Variants in C4orf36 observed in about 807,000 individuals in gnomAD.
C4orf36 encodes chromosome 4 open reading frame 36, also known as uncharacterized protein C4orf36.
C4orf36 carries 11 observed loss-of-function variants against 12.2 expected under a neutral mutation model. The ratio of observed to expected loss-of-function variants is 0.90; its 90% CI spans 0.57 to 1.49. The LOEUF (loss-of-function observed/expected upper bound fraction) is 1.49. Among genes scored for constraint, C4orf36 ranks in the 40% most tolerant of loss-of-function variants. The pLI, the probability that C4orf36 is intolerant of heterozygous loss-of-function variation, is 0.00. For missense variants in C4orf36, 137 were observed against 133.9 expected (o/e 1.02, Z -0.11); for synonymous variants, 54 against 51.3 (o/e 1.05, Z -0.22).
In C4orf36 at chr4:86,877,823, C is replaced by T. The variant is rs545108325; in HGVS notation, c.*3-1380G>A. On this transcript the variant is annotated intron_variant, in intron 4 of 4. Coordinates refer to ENST00000295898, the MANE Select transcript of C4orf36 (RefSeq NM_144645.4). ...CCCCCAGGATGCTTTGATTGTTCCG[C>T]ACCTTTATAAAATTGGAAATCTACA... 1.1e-3 allele frequency among the ~76,000 whole-genome samples: 162 copies of T among 152,246 alleles called. 1 individual carries two copies. The highest frequency in any genetic ancestry group is 3.6e-3 in the African/African-American group (149 of 41,544).
chr4:86,881,082 A>G (rs1425508923), intron 4 of C4orf36, among the ~76,000 whole-genome samples: 1 of 151,918 alleles, frequency 6.6e-6, no homozygotes, highest in African/African-American at 2.4e-5. Flanking sequence ...ATTCTATAGT[A>G]TTGTAAGTAG....
chr4:86,908,168 TACACACACACACACACACACAC>T, the C4orf36 span, among the ~76,000 whole-genome samples: 119 of 140,970 alleles, frequency 8.4e-4, no homozygotes, highest in Middle Eastern at 0.021. Flanking sequence ...ACTTTCAACA[TACACACACACACACACACACAC>T]ACACACACAC....
At chr4:86,912,707 T>G in the C4orf36 span, among the ~76,000 whole-genome samples, 2 of 152,222 alleles carry the variant, frequency 1.3e-5, no homozygotes, top group African/African-American at 4.8e-5. Flanking sequence ...TGTTTGTGCA[T>G]GTATACACAC....
the C4orf36 span, chr4:86,925,781 T>C: frequency 1.3e-5 from 2 of 151,926 alleles, no homozygotes; most frequent in Non-Finnish European, 2.9e-5. Context: ...CCTTTTCTCT[T>C]TGGCACCTTT....
Position 86,887,749 on chromosome 4 carries a change from T to C in C4orf36, c.*2+9A>G, listed in dbSNP as rs770928308. ...AAGACACAGAGTACAGATTCAATCATGAACTGACTGTCATTTAGATGGAAG... is the reference window on the plus strand; with the variant it reads ...AAGACACAGAGTACAGATTCAATCACGAACTGACTGTCATTTAGATGGAAG... On this transcript the variant is annotated intron_variant, in intron 4 of 4. Transcript: ENST00000295898. 3.1e-6 allele frequency: 5 copies of C among 1,614,056 alleles called. No individual in the cohort carries two copies. In the South Asian group the frequency reaches 3.3e-5, roughly 11 times the overall value.
the C4orf36 span, among the ~76,000 whole-genome samples, chr4:86,934,265 C>T: frequency 5.9e-5 from 9 of 152,346 alleles, no homozygotes; most frequent in South Asian, 6.2e-4. Context: ...ACAATGAAGA[C>T]AGCCTGTTGC....
At chr4:86,893,997 C>T (rs1672901826), upstream of C4orf36, among the ~76,000 whole-genome samples, 1 of 150,220 alleles carries the variant, frequency 6.7e-6, no homozygotes, top group African/African-American at 2.4e-5. Flanking sequence ...CCCGGGTTCA[C>T]GCCATTCTCC....
chr4:86,911,753 C>G, the C4orf36 span, among the ~76,000 whole-genome samples: 4 of 152,162 alleles, frequency 2.6e-5, no homozygotes, highest in Non-Finnish European at 5.9e-5. Context: ...GTGGCACAAT[C>G]ATGGCTCACT....
upstream of C4orf36, among the ~76,000 whole-genome samples, chr4:86,892,972 C>T (rs1747486342): frequency 6.6e-6 from 1 of 152,176 alleles, no homozygotes; most frequent in Admixed American, 6.5e-5. Context: ...GGAATTCTAG[C>T]TCTGCCACTT....
At chr4:86,897,580 T>G in the C4orf36 span, among the ~76,000 whole-genome samples, 1 of 152,288 alleles carries the variant, frequency 6.6e-6, no homozygotes, top group East Asian at 1.9e-4. Context: ...CCCATTTTGG[T>G]TGCTCTAGAG....
chr4:86,903,423 G>A, the C4orf36 span, among the ~76,000 whole-genome samples: 2 of 152,154 alleles, frequency 1.3e-5, no homozygotes, highest in Admixed American at 6.5e-5. Flanking sequence ...TCGGTTCTTG[G>A]TCTCGCTGAA....
chr4:86,905,604 G>C, the C4orf36 span, among the ~76,000 whole-genome samples: 2 of 152,122 alleles, frequency 1.3e-5, no homozygotes, highest in Admixed American at 1.3e-4. Flanking sequence ...CAGAGTTTTG[G>C]GGTAGAGTTG....
the C4orf36 span, among the ~76,000 whole-genome samples, chr4:86,905,308 G>A: frequency 6.6e-6 from 1 of 150,876 alleles, no homozygotes; most frequent in Non-Finnish European, 1.5e-5. Context: ...ACTTGAACCC[G>A]GGAAGTGGAA....
intron 4 of C4orf36, among the ~76,000 whole-genome samples, chr4:86,877,707 T>A (rs1746958663): frequency 6.6e-6 from 1 of 152,204 alleles, no homozygotes; most frequent in African/African-American, 2.4e-5. Flanking sequence ...TCGGGATAAT[T>A]CAGATAATGG....
chr4:86,914,368 C>T, the C4orf36 span: 3 of 1,233,754 alleles, frequency 2.4e-6, no homozygotes, highest in South Asian at 2.6e-5. Flanking sequence ...GCTTTCACCC[C>T]CCGGCTCCCG....
At chr4:86,915,544 G>T in the C4orf36 span, among the ~76,000 whole-genome samples, 3 of 152,268 alleles carry the variant, frequency 2.0e-5, no homozygotes, top group East Asian at 5.8e-4. Flanking sequence ...AGCACTTTGG[G>T]AGGCCGAGGG....
chr4:86,914,130 G>C, the C4orf36 span: 5 of 1,601,362 alleles, frequency 3.1e-6, no homozygotes. Context: ...GTAACAAACA[G>C]AAATGAATCG....
chr4:86,891,589 T>G lies in C4orf36; in HGVS notation c.-69A>C. 6.2e-7 allele frequency: 1 copy of G among 1,607,746 alleles called. No homozygotes were observed. Among genetic ancestry groups the G allele is most frequent in the Non-Finnish European group, 8.5e-7 (1 of 1,176,342 alleles). ...GAATGTCACAGATAACTCTGTTCAC[T>G]TTACCTGAAATGATGGCAACGCACC... is the stretch of plus-strand genomic sequence containing the variant. On this transcript the variant is annotated 5_prime_UTR_variant, in exon 2 of 5. Coordinates refer to ENST00000295898, the MANE Select transcript of C4orf36 (RefSeq NM_144645.4).
At chr4:86,905,052 A>G in the C4orf36 span, among the ~76,000 whole-genome samples, 2 of 151,916 alleles carry the variant, frequency 1.3e-5, no homozygotes, top group African/African-American at 4.8e-5. Flanking sequence ...TCTAGGCAAC[A>G]TAATGAGACC....
Sources: gnomAD v4.1 joint callset for allele counts (sites outside exome capture counted in the v4.1 genomes callset) on GRCh38, gnomAD v4.1.1 for gene constraint, MANE v1.5 for transcripts, NCBI Gene and HGNC (gene_info 2026-07-23, HGNC 2026-07-21) for gene names.